The following MARCHF1 variants were observed in gnomAD, a reference collection of about 807,000 sequenced individuals.
MARCHF1 encodes membrane associated ring-CH-type finger 1.
Under a neutral mutation model 54.2 loss-of-function variants are expected in MARCHF1, and 40 were observed. The ratio of observed to expected loss-of-function variants is 0.74; its 90% CI spans 0.57 to 0.96. The LOEUF (loss-of-function observed/expected upper bound fraction) is 0.96. Among genes scored for constraint, MARCHF1 ranks in the 40% least tolerant of loss-of-function variants. The pLI, the probability that MARCHF1 is intolerant of heterozygous loss-of-function variation, is 0.00. For missense variants in MARCHF1, 586 were observed against 656.5 expected (o/e 0.89, Z 1.17); for synonymous variants, 236 against 236.3 (o/e 1.00, Z 0.01).
intron 9 of MARCHF1, among the ~76,000 whole-genome samples, chr4:163,539,526 T>A (rs1738657225): frequency 6.6e-6 from 1 of 152,254 alleles, no homozygotes; most frequent in African/African-American, 2.4e-5. Flanking sequence ...AGCTGTAGGT[T>A]AAGAGCGGGG....
intron 1 of MARCHF1, among the ~76,000 whole-genome samples, chr4:164,364,616 C>T (rs1462285462): frequency 6.6e-6 from 1 of 151,706 alleles, no homozygotes; most frequent in Non-Finnish European, 1.5e-5. Flanking sequence ...AGAGGTTTCC[C>T]ATTTATTCTT....
rs377435098 is a variant in MARCHF1, at chr4:164,379,329, GA to G, written c.-323+4540del. Among the ~76,000 whole-genome samples, 208 of 150,934 alleles carry G rather than the reference GA, an allele frequency of 1.4e-3. 1 individual carries two copies. The highest frequency in any genetic ancestry group is 6.8e-3 in the Middle Eastern group (2 of 292). On this transcript the variant is annotated intron_variant, in intron 1 of 9. Transcript: ENST00000514618. Reference sequence around the variant, plus strand: ...AAGAATACTCAAACAAGCACAGAGAGAAAAAAAAAGTAGAAAATAGTAAAAC... The same window carrying G: ...AAGAATACTCAAACAAGCACAGAGAGAAAAAAAAGTAGAAAATAGTAAAAC...
intron 1 of MARCHF1, among the ~76,000 whole-genome samples, chr4:164,250,712 A>G (rs1057391168): frequency 2.0e-5 from 3 of 152,118 alleles, no homozygotes; most frequent in Admixed American, 2.0e-4. Context: ...AACTAAAGCA[A>G]TTTAAATTTT....
chr4:164,339,174 G>A (rs1431099303), intron 1 of MARCHF1, among the ~76,000 whole-genome samples: 1 of 152,068 alleles, frequency 6.6e-6, no homozygotes, highest in Non-Finnish European at 1.5e-5. Flanking sequence ...CATCCAGACA[G>A]AAAAATCAAT....
At chr4:164,127,160 G>A (rs1447817290) in intron 1 of MARCHF1, among the ~76,000 whole-genome samples, 1 of 152,172 alleles carries the variant, frequency 6.6e-6, no homozygotes, top group Non-Finnish European at 1.5e-5. Context: ...GCTGAATTGA[G>A]TTTCTGTCCT....
intron 1 of MARCHF1, among the ~76,000 whole-genome samples, chr4:164,169,880 A>T (rs1730478177): frequency 6.6e-6 from 1 of 152,122 alleles, no homozygotes; most frequent in Non-Finnish European, 1.5e-5. Flanking sequence ...AAACACAACC[A>T]AGAGATTTAA....
chr4:163,944,020 T>C (rs558799587), intron 3 of MARCHF1, among the ~76,000 whole-genome samples: 8 of 151,980 alleles, frequency 5.3e-5, no homozygotes, highest in African/African-American at 1.7e-4. Flanking sequence ...CAGGCTGGAG[T>C]GCAGTGATGT....
intron 4 of MARCHF1, among the ~76,000 whole-genome samples, chr4:163,843,742 C>T (rs1198152257): frequency 1.3e-5 from 2 of 151,938 alleles, no homozygotes; most frequent in African/African-American, 2.4e-5. Context: ...TCCTTGTGTC[C>T]ATGTGTTCTC....
At chr4:163,573,644 A>G (rs1739924407) in intron 8 of MARCHF1, among the ~76,000 whole-genome samples, 1 of 151,900 alleles carries the variant, frequency 6.6e-6, no homozygotes, top group Admixed American at 6.6e-5. Flanking sequence ...ACATGAACTC[A>G]TCATTTTTTA....
intron 4 of MARCHF1, among the ~76,000 whole-genome samples, chr4:163,774,519 A>G (rs1172342434): frequency 4.5e-5 from 1 of 22,016 alleles, no homozygotes; most frequent in South Asian, 1.6e-3. Context: ...TTTTTTTTTG[A>G]CAGAGTCTCA....
At chr4:164,253,850 A>G (rs1237958751) in intron 1 of MARCHF1, among the ~76,000 whole-genome samples, 5 of 152,218 alleles carry the variant, frequency 3.3e-5, no homozygotes, top group African/African-American at 1.2e-4. Context: ...CAGCATTAAA[A>G]TGAAACAAAT....
chr4:163,676,977 A>G (rs1386090446), intron 5 of MARCHF1, among the ~76,000 whole-genome samples: 1 of 151,588 alleles, frequency 6.6e-6, no homozygotes, highest in Non-Finnish European at 1.5e-5. Flanking sequence ...AATTTAAGGC[A>G]AAAATATCAC....
At chr4:163,782,668 C>CT (rs1178203824) in intron 4 of MARCHF1, among the ~76,000 whole-genome samples, 13 of 37,592 alleles carry the variant, frequency 3.5e-4, no homozygotes, top group Admixed American at 3.4e-3. Context: ...GACTCCATCT[C>CT]CAAAAAAAAA....
At chr4:163,702,714 T>C (rs1744843519) in intron 4 of MARCHF1, among the ~76,000 whole-genome samples, 1 of 152,164 alleles carries the variant, frequency 6.6e-6, no homozygotes, top group African/African-American at 2.4e-5. Flanking sequence ...GCCAATCTAA[T>C]GGGGGAAAAG....
At chr4:164,063,288 T>C (rs4593085) in intron 2 of MARCHF1, among the ~76,000 whole-genome samples, 109,461 of 152,136 alleles carry the variant, frequency 0.72, 40,002 homozygotes, top group Non-Finnish European at 0.79. Flanking sequence ...TATGAAAGTC[T>C]TAAATGGCAT....
At chr4:163,865,836 T>C (rs1447954137) in intron 3 of MARCHF1, among the ~76,000 whole-genome samples, 2 of 151,868 alleles carry the variant, frequency 1.3e-5, no homozygotes, top group African/African-American at 4.8e-5. Flanking sequence ...ATTTTTATCA[T>C]TTATATGAAT....
At chr4:163,852,377 G>C (rs1749665292) in intron 4 of MARCHF1, among the ~76,000 whole-genome samples, 1 of 152,132 alleles carries the variant, frequency 6.6e-6, no homozygotes, top group South Asian at 2.1e-4. Flanking sequence ...TAGGAGTTAA[G>C]CACTAAAGCA....
intron 4 of MARCHF1, among the ~76,000 whole-genome samples, chr4:163,744,838 G>C (rs998730233): frequency 2.0e-5 from 3 of 151,816 alleles, no homozygotes; most frequent in South Asian, 4.2e-4. Context: ...ATAAAATAGA[G>C]CCAGAAAATA....
intron 3 of MARCHF1, among the ~76,000 whole-genome samples, chr4:163,936,992 G>A (rs899623934): frequency 1.3e-5 from 2 of 152,086 alleles, no homozygotes; most frequent in Non-Finnish European, 2.9e-5. Flanking sequence ...CAAGTTAAAT[G>A]TATAGCTGTA....
Sources: allele counts gnomAD v4.1 joint callset (sites outside exome capture counted in the v4.1 genomes callset), GRCh38; gene constraint gnomAD v4.1.1; transcripts MANE v1.5; gene names NCBI Gene and HGNC (gene_info 2026-07-23, HGNC 2026-07-21).